Variants in SNX12 observed in about 807,000 individuals in gnomAD.
The protein encoded by SNX12 is sorting nexin-12.
For missense variants in SNX12, 62 were observed against 141.3 expected (o/e 0.44, Z 2.84); for synonymous variants, 47 against 56.0 (o/e 0.84, Z 0.71).
rs756222868 is a variant in SNX12 at position 71,061,009 on chromosome X, G to C, written c.*7C>G. 83 of 1,181,573 alleles carry C rather than the reference G, an allele frequency of 7.0e-5. No individual in the cohort carries two copies. The highest frequency in any genetic ancestry group is 6.9e-6 in the Non-Finnish European group (6 of 871,550). On this transcript the variant is annotated 3_prime_UTR_variant, in exon 4 of 4. Coordinates refer to ENST00000374274, the MANE Select transcript of SNX12 (RefSeq NM_013346.4). Reference sequence around the variant, plus strand: ...GGAAAGTAGAGGGCAGGTGGTGAGAGGGGCTCCTACTGGCGCACCTTCCCC... The same window carrying C: ...GGAAAGTAGAGGGCAGGTGGTGAGACGGGCTCCTACTGGCGCACCTTCCCC...
upstream of SNX12, among the ~76,000 whole-genome samples, chrX:71,070,466 G>A (rs1190814057): frequency 9.0e-6 from 1 of 111,405 alleles, no homozygotes; most frequent in African/African-American, 3.3e-5. Flanking sequence ...TAGGCTGCCT[G>A]GGTTTAAATC....
chrX:71,071,601 A>ATT (rs1569477480), upstream of SNX12, among the ~76,000 whole-genome samples: 64 of 61,478 alleles, frequency 1.0e-3, no homozygotes, highest in East Asian at 1.0e-2. Context: ...ATATTTATAT[A>ATT]TATTATATAT....
At chrX:71,061,187 G>T in intron 3 of SNX12, 69 bp from the exon 4 acceptor site, 1 of 918,587 alleles carries the variant, frequency 1.1e-6, no homozygotes, top group Non-Finnish European at 1.5e-6. Context: ...GGATGGGGAT[G>T]TGGACAGGGG....
Position 71,059,422 on chromosome X carries a change from A to G in SNX12, c.*1594T>C, listed in dbSNP as rs189909091. ...AGGAAATCGTTTTTAAAAAATGTCT[A>G]TAACAGAGGATACAAATCAAAAAGG... On this transcript the variant is annotated 3_prime_UTR_variant, in exon 4 of 4. Coordinates refer to ENST00000374274, the MANE Select transcript of SNX12 (RefSeq NM_013346.4). The G allele has an allele frequency of 8.9e-6, 1 of 111,794 alleles. No homozygotes were observed. Among genetic ancestry groups the G allele is most frequent in the Non-Finnish European group, 1.9e-5 (1 of 53,209 alleles). The allele number at this position is 111,794 out of a possible 1,213,427, so 9.2% of individuals were successfully genotyped here.
upstream of SNX12, among the ~76,000 whole-genome samples, chrX:71,072,102 C>T (rs190121630): frequency 1.9e-3 from 210 of 109,830 alleles, no homozygotes; most frequent in Non-Finnish European, 1.6e-3. Context: ...TACTAAAATA[C>T]GAAAAATTAG....
upstream of SNX12, among the ~76,000 whole-genome samples, chrX:71,071,297 AG>A (rs2092170535): frequency 9.8e-6 from 1 of 101,838 alleles, no homozygotes; most frequent in African/African-American, 3.5e-5. Context: ...TCCATGAAAA[AG>A]TGAAAAAAGC....
chrX:71,068,113 T>G, intron 1 of SNX12, 29 bp downstream of exon 1: 1 of 827,897 alleles, frequency 1.2e-6, no homozygotes, highest in Non-Finnish European at 1.6e-6. Context: ...CGGTCCTCCC[T>G]CAGCTGTCTC....
chrX:71,071,665 T>TTATTTATATATAAATA (rs1164523411), upstream of SNX12, among the ~76,000 whole-genome samples: 1 of 62,205 alleles, frequency 1.6e-5, no homozygotes, highest in Non-Finnish European at 2.7e-5. Context: ...TTATATATAA[T>TTATTTATATATAAATA]TATTTATATA....
Position 71,060,794 on chromosome X carries a change from C to CCCCCCCAA in SNX12, c.*221_*222insTTGGGGGG. ...TCCCCCCACCCACCCACCCCAACCC[C>CCCCCCCAA]AAGCAAAGGGCATCTGCCTGTGGGT... On this transcript the variant is annotated 3_prime_UTR_variant, in exon 4 of 4. Coordinates refer to ENST00000374274, the MANE Select transcript of SNX12 (RefSeq NM_013346.4). 1 of 107,344 alleles carries CCCCCCCAA rather than the reference C, an allele frequency of 9.3e-6. No individual in the cohort carries two copies. The highest frequency in any genetic ancestry group is 1.8e-5 in the Non-Finnish European group (1 of 54,632). The allele number at this position is 107,344 out of a possible 1,213,427, so 8.8% of individuals were successfully genotyped here.
chrX:71,062,997 G>A (rs1305658662), intron 1 of SNX12, 48 bp from the exon 2 acceptor site: 2 of 872,513 alleles, frequency 2.3e-6, no homozygotes, highest in Admixed American at 4.9e-5. Context: ...TGTTCAGCCT[G>A]TGGTAGCCAC....
intron 1 of SNX12, among the ~76,000 whole-genome samples, chrX:71,066,093 A>G (rs901804517): frequency 1.9e-4 from 21 of 112,624 alleles, no homozygotes; most frequent in Non-Finnish European, 3.6e-4. Flanking sequence ...TAGCAGAAAG[A>G]ATATGGAGTC....
chrX:71,068,412 A>G (rs2092163131), upstream of SNX12: 6 of 686,993 alleles, frequency 8.7e-6, no homozygotes, highest in South Asian at 1.7e-4. Context: ...GCCAACCCAC[A>G]GGCGGCGGCG....
chrX:71,059,466 C>T lies in SNX12; in HGVS notation c.*1550G>A, dbSNP rs1161189168. 1 of 111,806 alleles carries T rather than the reference C, an allele frequency of 8.9e-6. No individual in the cohort carries two copies. Among genetic ancestry groups the T allele is most frequent in the Non-Finnish European group, 1.9e-5 (1 of 53,188 alleles). 9.2% of individuals were successfully genotyped at this position (111,806 alleles called of 1,213,427 possible). ...AAAAAGGCAGCAACAACAACATTGG[C>T]GAGGTGGGAAAGGGAGCAGAGCCTC... On this transcript the variant is annotated 3_prime_UTR_variant, in exon 4 of 4. Coordinates refer to ENST00000374274, the MANE Select transcript of SNX12 (RefSeq NM_013346.4).
upstream of SNX12, among the ~76,000 whole-genome samples, chrX:71,070,892 G>T (rs1335955481): frequency 9.0e-6 from 1 of 110,526 alleles, no homozygotes; most frequent in Non-Finnish European, 1.9e-5. Flanking sequence ...CGGCAGGGAG[G>T]GTTGTTTTTC....
At chrX:71,062,992 A>C (rs761553894) in intron 1 of SNX12, 43 bp from the exon 2 acceptor site, 25 of 863,442 alleles carry the variant, frequency 2.9e-5, no homozygotes, top group Non-Finnish European at 4.2e-5. Context: ...GGTAATGTTC[A>C]GCCTGTGGTA....
Position 71,060,743 on chromosome X carries a change from G to T in SNX12, c.*273C>A. ...GGTTAGCCTTCTGGCATGGGTAAAT[G>T]CCCAAGAAATTGCCTTCCAGTCTAA... On this transcript the variant is annotated 3_prime_UTR_variant, in exon 4 of 4. Transcript: ENST00000374274. 1 of 291,946 alleles carries T rather than the reference G, an allele frequency of 3.4e-6. No homozygotes were observed. Among genetic ancestry groups the T allele is most frequent in the Non-Finnish European group, 6.0e-6 (1 of 165,809 alleles). The allele number at this position is 291,946 out of a possible 1,213,427, so 24.1% of individuals were successfully genotyped here. A position where few individuals can be genotyped will look rare whatever the true frequency, so the allele number is the denominator to read the frequency against.
At chrX:71,061,743 ATAAG>A in intron 3 of SNX12, 96 bp downstream of exon 3, 1 of 754,497 alleles carries the variant, frequency 1.3e-6, no homozygotes, top group Non-Finnish European at 1.9e-6. Context: ...AAATAAATAA[ATAAG>A]TAAATAAAAA....
rs372113626 is a variant in SNX12 at position 71,061,223 on chromosome X, T to C, written c.387-105A>G. The stretch of plus-strand genomic sequence containing the variant: ...AAGAAGGGCAAGGTCAGCCCTGAGG[T>C]TCAAGCCAGTAGAGGACAGCAGTAG... On this transcript the variant is annotated intron_variant, in intron 3 of 3. Coordinates refer to ENST00000374274, the MANE Select transcript of SNX12 (RefSeq NM_013346.4). 40 of 612,641 alleles carry C rather than the reference T, an allele frequency of 6.5e-5. No homozygotes were observed. The East Asian group carries it at 1.3e-3, about 19-fold the overall frequency. The allele number at this position is 612,641 out of a possible 1,213,427, so 50.5% of individuals were successfully genotyped here.
rs375913741 is a variant in SNX12 at position 71,060,984 on chromosome X, G to T, written c.*32C>A. ...TGTAAAAACCAATGTCATTTCAGCAGGAAAGTAGAGGGCAGGTGGTGAGAG... is the reference window on the plus strand; with the variant it reads ...TGTAAAAACCAATGTCATTTCAGCATGAAAGTAGAGGGCAGGTGGTGAGAG... On this transcript the variant is annotated 3_prime_UTR_variant, in exon 4 of 4. Transcript: ENST00000374274. 11 of 1,069,047 alleles carry T rather than the reference G, an allele frequency of 1.0e-5. No homozygotes were observed. In the African/African-American group the frequency reaches 1.5e-4, roughly 14 times the overall value. 88.1% of individuals were successfully genotyped at this position (1,069,047 alleles called of 1,213,427 possible).
Sources: gnomAD v4.1 joint callset for allele counts (sites outside exome capture counted in the v4.1 genomes callset) on GRCh38, gnomAD v4.1.1 for gene constraint, MANE v1.5 for transcripts, NCBI Gene and HGNC (gene_info 2026-07-23, HGNC 2026-07-21) for gene names.